DLG2: variants seen among roughly 807,000 people sequenced by gnomAD.
DLG2 encodes the protein discs large MAGUK scaffold protein 2, also known as disks large homolog 2.
DLG2 carries 45 observed loss-of-function variants against 132.5 expected under a neutral mutation model. The ratio of observed to expected loss-of-function variants is 0.34; its 90% confidence interval spans 0.27 to 0.44. The LOEUF (loss-of-function observed/expected upper bound fraction) is 0.44. DLG2 is among the 20% of genes least tolerant of loss of function. The probability of loss-of-function intolerance (pLI) is 1.00; values close to 1 mark genes in which losing one functional copy is unlikely to be tolerated. For synonymous variants in DLG2, 424 were observed against 419.6 expected (o/e 1.01, Z -0.13); for missense variants, 1,045 against 1,196.9 (o/e 0.87, Z 1.87).
At chr11:84,522,503 A>G (rs575802227) in intron 7 of DLG2, among the ~76,000 whole-genome samples, 1 of 152,190 alleles carries the variant, frequency 6.6e-6, no homozygotes, top group Non-Finnish European at 1.5e-5. Context: ...TAACATACTC[A>G]GTGTTCTGCC....
chr11:83,976,624 T>G (rs1366925720), intron 12 of DLG2, among the ~76,000 whole-genome samples: 1 of 151,922 alleles, frequency 6.6e-6, no homozygotes, highest in African/African-American at 2.4e-5. Flanking sequence ...CTTTTCAGGG[T>G]TATTTTGCTT....
chr11:85,200,282 G>A (rs774380545), intron 4 of DLG2, among the ~76,000 whole-genome samples: 3 of 152,146 alleles, frequency 2.0e-5, no homozygotes, highest in African/African-American at 7.2e-5. Flanking sequence ...CATCTGACAC[G>A]GGGTTGAGAT....
chr11:84,210,188 CAGG>C (rs1308613187), intron 8 of DLG2, among the ~76,000 whole-genome samples: 1 of 151,814 alleles, frequency 6.6e-6, no homozygotes, highest in African/African-American at 2.4e-5. Context: ...GAGGCTGAGG[CAGG>C]AGAATTGCTT....
chr11:85,600,989 T>C (rs141519758), intron 2 of DLG2, among the ~76,000 whole-genome samples: 27 of 152,262 alleles, frequency 1.8e-4, no homozygotes, highest in African/African-American at 5.8e-4. Flanking sequence ...GGTACCAACA[T>C]GATGTCTCTG....
intron 6 of DLG2, among the ~76,000 whole-genome samples, chr11:84,591,259 G>A (rs1011897968): frequency 2.3e-4 from 35 of 151,232 alleles, no homozygotes; most frequent in African/African-American, 6.6e-4. Context: ...GTGTGTGTGC[G>A]CGTCTTTCTC....
chr11:84,116,599 T>C (rs2093645882), intron 9 of DLG2, among the ~76,000 whole-genome samples: 3 of 152,154 alleles, frequency 2.0e-5, no homozygotes, highest in Admixed American at 1.3e-4. Flanking sequence ...CCTGCCCCCA[T>C]GATTCAATTA....
chr11:83,595,718 G>A (rs151203623), intron 19 of DLG2, among the ~76,000 whole-genome samples: 105 of 152,208 alleles, frequency 6.9e-4, no homozygotes, highest in African/African-American at 2.2e-3. Context: ...CCATCTAACC[G>A]AAATGCAAGT....
chr11:83,544,487 CACTG>C (rs2096181562), intron 19 of DLG2, among the ~76,000 whole-genome samples: 1 of 152,046 alleles, frequency 6.6e-6, no homozygotes, highest in Admixed American at 6.6e-5. Flanking sequence ...TAGTGGGGCC[CACTG>C]ACTAACTCCA....
At chr11:84,205,924 T>C (rs1359898649) in intron 8 of DLG2, among the ~76,000 whole-genome samples, 1 of 152,086 alleles carries the variant, frequency 6.6e-6, no homozygotes, top group Non-Finnish European at 1.5e-5. Flanking sequence ...TCAATGAAGT[T>C]GATAAACACC....
intron 6 of DLG2, among the ~76,000 whole-genome samples, chr11:85,006,567 G>A (rs2058678696): frequency 6.6e-6 from 1 of 152,088 alleles, no homozygotes; most frequent in South Asian, 2.1e-4. Context: ...GAGATCAGTG[G>A]TGATGTCCCC....
At chr11:84,357,332 T>G (rs1201544427) in intron 7 of DLG2, among the ~76,000 whole-genome samples, 1 of 152,024 alleles carries the variant, frequency 6.6e-6, no homozygotes, top group Non-Finnish European at 1.5e-5. Context: ...ACATAATGTA[T>G]CAAAAGGCAC....
intron 18 of DLG2, among the ~76,000 whole-genome samples, chr11:83,743,022 G>C (rs1008108622): frequency 2.0e-5 from 3 of 152,128 alleles, no homozygotes; most frequent in Admixed American, 1.3e-4. Flanking sequence ...TCAACTTAAT[G>C]TTAGTCAATA....
intron 6 of DLG2, among the ~76,000 whole-genome samples, chr11:84,915,224 T>C (rs1272545335): frequency 6.6e-6 from 1 of 152,230 alleles, no homozygotes; most frequent in Non-Finnish European, 1.5e-5. Flanking sequence ...AGAAGGTTAA[T>C]GAAGGAATCT....
intron 4 of DLG2, among the ~76,000 whole-genome samples, chr11:85,157,634 C>A (rs1236020832): frequency 6.6e-6 from 1 of 152,114 alleles, no homozygotes; most frequent in African/African-American, 2.4e-5. Context: ...TTCTAAATAC[C>A]AGCTTCAGAA....
At chr11:85,377,633 A>T (rs571718402) in intron 3 of DLG2, among the ~76,000 whole-genome samples, 83 of 152,150 alleles carry the variant, frequency 5.5e-4, no homozygotes, top group Admixed American at 9.8e-4. Context: ...GAGCTAATTC[A>T]TTCAAGTTTG....
intron 15 of DLG2, among the ~76,000 whole-genome samples, chr11:83,919,093 G>A (rs927236932): frequency 4.6e-5 from 7 of 152,300 alleles, no homozygotes; most frequent in Non-Finnish European, 7.4e-5. Context: ...TTGTGAAAGT[G>A]TGGAAATGGT....
intron 18 of DLG2, among the ~76,000 whole-genome samples, chr11:83,749,480 T>C (rs1176547298): frequency 1.3e-5 from 2 of 152,106 alleles, no homozygotes; most frequent in East Asian, 1.9e-4. Flanking sequence ...GCCATTTGTC[T>C]CTCTCTTGGT....
intron 8 of DLG2, among the ~76,000 whole-genome samples, chr11:84,188,027 C>T (rs1205428667): frequency 6.6e-6 from 1 of 152,112 alleles, no homozygotes; most frequent in East Asian, 1.9e-4. Flanking sequence ...ATTATTGCTG[C>T]TGGTTTCCAG....
At chr11:83,834,983 C>A (rs1034500257) in intron 16 of DLG2, among the ~76,000 whole-genome samples, 1 of 152,152 alleles carries the variant, frequency 6.6e-6, no homozygotes, top group African/African-American at 2.4e-5. Context: ...CTAATGGCTA[C>A]ACAAAGAATT....
Sources: gnomAD v4.1 joint callset for allele counts (sites outside exome capture counted in the v4.1 genomes callset) on GRCh38, gnomAD v4.1.1 for gene constraint, MANE v1.5 for transcripts, NCBI Gene and HGNC (gene_info 2026-07-23, HGNC 2026-07-21) for gene names.